The following STAU2 variants were observed in gnomAD, a reference collection of about 807,000 sequenced individuals.
STAU2 encodes double-stranded RNA-binding protein Staufen homolog 2.
STAU2 carries 20 observed loss-of-function variants against 65.9 expected under a neutral mutation model. That is an observed-to-expected ratio of 0.30 (90% CI 0.21 to 0.44). The LOEUF is 0.44. STAU2 is among the 20% of genes least tolerant of loss of function. STAU2 has a pLI of 1.00. For synonymous variants in STAU2, 232 were observed against 233.9 expected (o/e 0.99, Z 0.07); for missense variants, 558 against 683.9 (o/e 0.82, Z 2.05).
At chr8:73,424,344 G>A (rs2128878651) in intron 13 of STAU2, among the ~76,000 whole-genome samples, 1 of 151,910 alleles carries the variant, frequency 6.6e-6, no homozygotes, top group East Asian at 1.9e-4. Context: ...GGGACTGCAG[G>A]CCTGCACCAC....
In STAU2 at chr8:73,543,439, CTT is replaced by C. The variant is rs1315080816; in HGVS notation, c.1530+8571_1530+8572del. Among the ~76,000 whole-genome samples, 3 of 152,284 alleles carry C rather than the reference CTT, an allele frequency of 2.0e-5. No homozygotes were observed. The East Asian group carries it at 5.8e-4, about 29-fold the overall frequency. On this transcript the variant is annotated intron_variant, in intron 13 of 14. Coordinates refer to ENST00000524300, the MANE Select transcript of STAU2 (RefSeq NM_001164380.2). ...TACATCAATAAGGTTGATTAAAACACTTAAGTGTAGTTATCTCTGACACAACT... is the reference window on the plus strand; with the variant it reads ...TACATCAATAAGGTTGATTAAAACACAAGTGTAGTTATCTCTGACACAACT...
chr8:73,717,888 A>G (rs1821364935), intron 3 of STAU2, among the ~76,000 whole-genome samples: 1 of 152,222 alleles, frequency 6.6e-6, no homozygotes, highest in Non-Finnish European at 1.5e-5. Flanking sequence ...TGAATTTTAG[A>G]ATCACCCTGT....
chr8:73,640,310 AATAAGTGG>A (rs1814858440), intron 6 of STAU2, among the ~76,000 whole-genome samples: 1 of 152,142 alleles, frequency 6.6e-6, no homozygotes, highest in Admixed American at 6.5e-5. Flanking sequence ...AGCAGGGACA[AATAAGTGG>A]AACTGATTAG....
chr8:73,641,086 C>G (rs921855730), intron 6 of STAU2, among the ~76,000 whole-genome samples: 2 of 152,082 alleles, frequency 1.3e-5, no homozygotes, highest in African/African-American at 4.8e-5. Flanking sequence ...TTATATTATG[C>G]CAAATTTAGA....
chr8:73,464,507 A>C (rs569141172), intron 13 of STAU2, among the ~76,000 whole-genome samples: 1 of 152,354 alleles, frequency 6.6e-6, no homozygotes, highest in South Asian at 2.1e-4. Flanking sequence ...CAAAGGAGGC[A>C]GCTCCATATA....
In STAU2 at chr8:73,656,026, G is replaced by A. The variant is rs540179795; in HGVS notation, c.410+17081C>T. Among the ~76,000 whole-genome samples, 6 of 152,052 alleles carry A rather than the reference G, an allele frequency of 3.9e-5. No homozygotes were observed. The South Asian group carries it at 6.2e-4, about 16-fold the overall frequency. On this transcript the variant is annotated intron_variant, in intron 6 of 14. Transcript: ENST00000524300. ...TCTCAATCTCCTGACCTTGTGATCC[G>A]CCCGCCTCAGTCTCCCGAAGTGCTG...
At chr8:73,742,974 CTTAT>C (rs933904953) in intron 1 of STAU2, among the ~76,000 whole-genome samples, 53 of 152,056 alleles carry the variant, frequency 3.5e-4, no homozygotes, top group African/African-American at 1.2e-3. Context: ...ACTTAAATGT[CTTAT>C]TTGACAACAT....
At chr8:73,709,268 TG>T in intron 3 of STAU2, 106 bp from the exon 4 acceptor site, 1 of 1,036,972 alleles carries the variant, frequency 9.6e-7, no homozygotes, top group Non-Finnish European at 1.3e-6. Context: ...ATTATTTTCA[TG>T]AATTTTGTAT....
At chr8:73,715,938 G>A (rs539983576) in intron 3 of STAU2, among the ~76,000 whole-genome samples, 27 of 151,644 alleles carry the variant, frequency 1.8e-4, no homozygotes, top group East Asian at 1.6e-3. Flanking sequence ...TTTTTGAGAC[G>A]GAGTCTCACT....
At chr8:73,627,235 G>GGGGGGGT (rs1813742494) in intron 6 of STAU2, among the ~76,000 whole-genome samples, 1 of 72,970 alleles carries the variant, frequency 1.4e-5, no homozygotes, top group African/African-American at 4.9e-5. Context: ...GGGGGGGCAG[G>GGGGGGGT]AGGGCGGGTT....
At chr8:73,454,214 T>G (rs1818948287) in intron 13 of STAU2, among the ~76,000 whole-genome samples, 2 of 152,312 alleles carry the variant, frequency 1.3e-5, no homozygotes, top group South Asian at 2.1e-4. Context: ...CTGTTAGTTT[T>G]TAAAATGCCA....
intron 4 of STAU2, among the ~76,000 whole-genome samples, chr8:73,693,622 T>G (rs1331072179): frequency 1.3e-5 from 2 of 152,160 alleles, no homozygotes; most frequent in Non-Finnish European, 2.9e-5. Context: ...AACATGAACA[T>G]TCTGTAAAAT....
chr8:73,637,477 T>TAAAAAAAAAAAAAA (rs60833468), intron 6 of STAU2, among the ~76,000 whole-genome samples: 1,499 of 57,234 alleles, frequency 0.026, 1 homozygote, highest in Non-Finnish European at 0.029. Flanking sequence ...GTGCTGAAAG[T>TAAAAAAAAAAAAAA]AAAAAAAAAA....
intron 13 of STAU2, chr8:73,550,347 T>C (rs1807244641): frequency 6.1e-6 from 6 of 983,794 alleles, no homozygotes; most frequent in African/African-American, 1.7e-5. Flanking sequence ...ATTATAATTA[T>C]TGTCATTGCC....
At chr8:73,476,350 A>C (rs1039688206) in intron 13 of STAU2, among the ~76,000 whole-genome samples, 2 of 152,168 alleles carry the variant, frequency 1.3e-5, no homozygotes, top group Admixed American at 6.5e-5. Context: ...GCTGTGGGTC[A>C]TTTCTATTTG....
At chr8:73,557,118 T>C (rs1475288516) in intron 12 of STAU2, among the ~76,000 whole-genome samples, 1 of 152,210 alleles carries the variant, frequency 6.6e-6, no homozygotes, top group East Asian at 1.9e-4. Context: ...ATTGTTATTA[T>C]ACAGGACTAA....
intron 2 of STAU2, among the ~76,000 whole-genome samples, chr8:73,739,335 A>G (rs973554969): frequency 6.6e-6 from 1 of 151,994 alleles, no homozygotes; most frequent in South Asian, 2.1e-4. Flanking sequence ...GTAATGAAAA[A>G]AAGTTTATAT....
upstream of STAU2, chr8:73,746,897 G>GCCCGCCTCCGCCCGCCTCCC: frequency 1.3e-6 from 1 of 783,638 alleles, no homozygotes; most frequent in Non-Finnish European, 1.6e-6. Flanking sequence ...CCCCGCCTCC[G>GCCCGCCTCCGCCCGCCTCCC]CCCGCCTCCG....
intron 12 of STAU2, among the ~76,000 whole-genome samples, chr8:73,562,486 TAGAGAG>T (rs1164326657): frequency 6.6e-6 from 1 of 151,406 alleles, no homozygotes; most frequent in African/African-American, 2.4e-5. Flanking sequence ...TTAAAAAAGA[TAGAGAG>T]AGAGAGAGAC....
Sources: allele counts gnomAD v4.1 joint callset (sites outside exome capture counted in the v4.1 genomes callset), GRCh38; gene constraint gnomAD v4.1.1; transcripts MANE v1.5; gene names NCBI Gene and HGNC (gene_info 2026-07-23, HGNC 2026-07-21).